Variants in AKT3 observed in about 807,000 individuals in gnomAD.
The protein encoded by AKT3 is RAC-gamma serine/threonine-protein kinase.
In AKT3, 15 loss-of-function variants were observed where a neutral mutation model predicts 65.3. That is an observed-to-expected ratio of 0.23 (90% CI 0.15 to 0.35). The LOEUF (loss-of-function observed/expected upper bound fraction) is 0.35. Ranked by LOEUF, AKT3 falls within the 10% of genes least tolerant of loss-of-function variation. The pLI, the probability that AKT3 is intolerant of heterozygous loss-of-function variation, is 1.00. For missense variants in AKT3, 243 were observed against 576.5 expected (o/e 0.42, Z 5.92); for synonymous variants, 206 against 183.8 (o/e 1.12, Z -0.98).
At chr1:243,540,680 C>T (rs10927035) in intron 12 of AKT3, among the ~76,000 whole-genome samples, 74,886 of 151,882 alleles carry the variant, frequency 0.49, 21,798 homozygotes, top group Non-Finnish European at 0.64. Flanking sequence ...CCAGTTTTTC[C>T]ACCAATGCCC....
At chr1:243,782,896 T>C (rs989952914) in intron 2 of AKT3, among the ~76,000 whole-genome samples, 1 of 152,190 alleles carries the variant, frequency 6.6e-6, no homozygotes, top group African/African-American at 2.4e-5. Context: ...CCCTCCAAGA[T>C]GGCTTCTAAT....
intron 3 of AKT3, among the ~76,000 whole-genome samples, chr1:243,686,243 TA>T (rs1293066567): frequency 2.6e-5 from 4 of 152,150 alleles, no homozygotes; most frequent in Admixed American, 2.6e-4. Flanking sequence ...TTCACAGAAT[TA>T]GGTGTTACTT....
chr1:243,523,105 G>T (rs1670824785), intron 12 of AKT3, among the ~76,000 whole-genome samples: 2 of 152,122 alleles, frequency 1.3e-5, no homozygotes, highest in South Asian at 2.1e-4. Flanking sequence ...TCTATGTTCT[G>T]CAAGGAAGCT....
rs927184835 is a variant in AKT3, at chr1:243,687,783, T to G, written c.172+7808A>C. The stretch of plus-strand genomic sequence containing the variant: ...ATAGTTTTCTTAAAAATGATCTCAT[T>G]TTAAAATAATTTTTACAAAGGTTTT... On this transcript the variant is annotated intron_variant, in intron 3 of 13. Transcript: ENST00000673466. 4.6e-5 allele frequency: 7 copies of G among 152,228 alleles called. 1 individual carries two copies. The highest frequency in any genetic ancestry group is 1.7e-4 in the African/African-American group (7 of 41,458). The allele number at this position is 152,228 out of a possible 1,614,324, so 9.4% of individuals were successfully genotyped here.
At chr1:243,846,426 T>C (rs528324247) in intron 1 of AKT3, among the ~76,000 whole-genome samples, 1 of 152,286 alleles carries the variant, frequency 6.6e-6, no homozygotes, top group African/African-American at 2.4e-5. Flanking sequence ...TCTTTTTACT[T>C]TCCTCTCATA....
intron 3 of AKT3, among the ~76,000 whole-genome samples, chr1:243,687,208 T>C (rs1237760529): frequency 6.6e-6 from 1 of 152,198 alleles, no homozygotes; most frequent in Non-Finnish European, 1.5e-5. Flanking sequence ...GCATGGTCAC[T>C]GTCTTCTACA....
intron 4 of AKT3, among the ~76,000 whole-genome samples, chr1:243,659,265 G>A (rs1682079515): frequency 6.6e-6 from 1 of 152,146 alleles, no homozygotes; most frequent in Admixed American, 6.5e-5. Flanking sequence ...GGGGCTGGGG[G>A]TATGGGAATG....
intron 8 of AKT3, among the ~76,000 whole-genome samples, chr1:243,609,143 T>C (rs1677669766): frequency 6.6e-6 from 1 of 151,690 alleles, no homozygotes. Context: ...GCCACAAGGA[T>C]AAACACATCA....
intron 13 of AKT3, among the ~76,000 whole-genome samples, chr1:243,510,662 G>A (rs1042346375): frequency 3.9e-5 from 6 of 152,208 alleles, no homozygotes; most frequent in Non-Finnish European, 8.8e-5. Flanking sequence ...TCGAGGTGTG[G>A]CTGGAACCCA....
At chr1:243,724,238 T>A (rs1001414182) in intron 2 of AKT3, among the ~76,000 whole-genome samples, 1 of 145,794 alleles carries the variant, frequency 6.9e-6, no homozygotes, top group Non-Finnish European at 1.5e-5. Flanking sequence ...TCTAGAAAAA[T>A]TGAGGGGAAA....
intron 5 of AKT3, among the ~76,000 whole-genome samples, chr1:243,641,786 A>C (rs1379936702): frequency 6.6e-6 from 1 of 151,976 alleles, no homozygotes; most frequent in East Asian, 1.9e-4. Flanking sequence ...AAATACAAAA[A>C]TTAGCCAAGT....
At chr1:243,714,484 TA>T in intron 2 of AKT3, among the ~76,000 whole-genome samples, 1 of 152,326 alleles carries the variant, frequency 6.6e-6, no homozygotes, top group Middle Eastern at 3.4e-3. Flanking sequence ...TATGTCACCA[TA>T]AGAATAATTT....
chr1:243,555,425 A>T (rs1422080389), intron 10 of AKT3, among the ~76,000 whole-genome samples: 1 of 152,158 alleles, frequency 6.6e-6, no homozygotes, highest in East Asian at 1.9e-4. Flanking sequence ...ATTTCAAAAC[A>T]CAATACTTTC....
intron 3 of AKT3, among the ~76,000 whole-genome samples, chr1:243,680,636 T>G (rs1683844326): frequency 6.6e-6 from 1 of 152,048 alleles, no homozygotes; most frequent in South Asian, 2.1e-4. Flanking sequence ...AGAAAGCCAA[T>G]AATTTAGCAT....
chr1:243,508,509 G>GC (rs1369190255), intron 13 of AKT3, among the ~76,000 whole-genome samples: 2 of 152,124 alleles, frequency 1.3e-5, no homozygotes, highest in Non-Finnish European at 1.5e-5. Context: ...GAAAAACACA[G>GC]CAAGTCCATA....
intron 10 of AKT3, among the ~76,000 whole-genome samples, chr1:243,555,197 T>G (rs542249773): frequency 6.6e-6 from 1 of 152,198 alleles, no homozygotes; most frequent in Non-Finnish European, 1.5e-5. Context: ...CTTCCTGACA[T>G]GTAAACTTAA....
intron 13 of AKT3, chr1:243,489,204 T>C (rs1043917554): frequency 5.0e-6 from 8 of 1,587,818 alleles, no homozygotes; most frequent in African/African-American, 1.3e-5. Flanking sequence ...GGATCTTTTA[T>C]GCACCTCAAC....
intron 3 of AKT3, among the ~76,000 whole-genome samples, chr1:243,676,365 T>C (rs1042446315): frequency 1.3e-5 from 2 of 152,140 alleles, no homozygotes; most frequent in Admixed American, 6.5e-5. Context: ...GGAAAAAAGG[T>C]AGGAGATGAG....
At chr1:243,829,720 A>C (rs886374105) in intron 2 of AKT3, among the ~76,000 whole-genome samples, 26 of 152,230 alleles carry the variant, frequency 1.7e-4, no homozygotes, top group African/African-American at 5.3e-4. Context: ...TGGCTACGGT[A>C]TAAGAAAGTA....
Sources: allele counts gnomAD v4.1 joint callset (sites outside exome capture counted in the v4.1 genomes callset), GRCh38; gene constraint gnomAD v4.1.1; transcripts MANE v1.5; gene names NCBI Gene and HGNC (gene_info 2026-07-23, HGNC 2026-07-21).